Variants in PTPRT observed in about 807,000 individuals in gnomAD.
PTPRT encodes the protein protein tyrosine phosphatase receptor type T, also known as receptor-type tyrosine-protein phosphatase T.
A neutral mutation model predicts 176.8 loss-of-function variants in PTPRT; 56 were observed. The observed-to-expected ratio is 0.32, with a 90% CI of 0.26 to 0.40. The LOEUF (loss-of-function observed/expected upper bound fraction) is 0.40. Ranked by LOEUF, PTPRT falls within the 10% of genes least tolerant of loss-of-function variation. The pLI is 1.00. For synonymous variants in PTPRT, 783 were observed against 739.0 expected (o/e 1.06, Z -0.96); for missense variants, 1,540 against 1,908.2 (o/e 0.81, Z 3.60).
intron 7 of PTPRT, among the ~76,000 whole-genome samples, chr20:42,527,282 C>T (rs1380511172): frequency 6.6e-6 from 1 of 152,078 alleles, no homozygotes; most frequent in African/African-American, 2.4e-5. Flanking sequence ...GTTCTTTATT[C>T]AGTGTTTCCT....
chr20:42,100,854 C>T (rs1174279790), intron 26 of PTPRT, among the ~76,000 whole-genome samples: 1 of 152,202 alleles, frequency 6.6e-6, no homozygotes. Context: ...CTCCCTGATT[C>T]TGAACCCAGA....
At chr20:42,285,780 C>T (rs964259955) in intron 12 of PTPRT, among the ~76,000 whole-genome samples, 20 of 137,434 alleles carry the variant, frequency 1.5e-4, no homozygotes, top group Admixed American at 5.2e-4. Flanking sequence ...CTTATGTATA[C>T]GAAAAACCAA....
chr20:43,118,289 T>A (rs1162925469), intron 1 of PTPRT, among the ~76,000 whole-genome samples: 1 of 152,190 alleles, frequency 6.6e-6, no homozygotes, highest in African/African-American at 2.4e-5. Flanking sequence ...TTGCCTAATG[T>A]TCTAGAACAT....
At chr20:42,773,833 A>G (rs1464093129) in intron 4 of PTPRT, among the ~76,000 whole-genome samples, 1 of 152,194 alleles carries the variant, frequency 6.6e-6, no homozygotes, top group Non-Finnish European at 1.5e-5. Context: ...CTTAGCTCCA[A>G]TGCTGGGAAA....
rs77925287 is a variant in PTPRT at position 42,711,627 on chromosome 20, A to G, written c.860-33468T>C. Reference sequence around the variant, plus strand: ...GCCAAATAAACCTCTTTTCTTTATAAATTTTTCATTCTCAGGTATTTCTTT... The same window carrying G: ...GCCAAATAAACCTCTTTTCTTTATAGATTTTTCATTCTCAGGTATTTCTTT... On this transcript the variant is annotated intron_variant, in intron 6 of 30. Coordinates refer to ENST00000373187, the MANE Select transcript of PTPRT (RefSeq NM_007050.6). 7.8e-4 allele frequency among the ~76,000 whole-genome samples: 119 copies of G among 152,200 alleles called. No individual in the cohort carries two copies. In the South Asian group the frequency reaches 0.01, roughly 13 times the overall value.
At chr20:42,399,001 A>G (rs536446467) in intron 9 of PTPRT, among the ~76,000 whole-genome samples, 13 of 152,326 alleles carry the variant, frequency 8.5e-5, no homozygotes, top group African/African-American at 3.1e-4. Context: ...ATTTTCCAGG[A>G]GACCAGACTG....
At chr20:42,499,837 T>C (rs1319657648) in intron 7 of PTPRT, among the ~76,000 whole-genome samples, 3 of 152,112 alleles carry the variant, frequency 2.0e-5, no homozygotes, top group African/African-American at 7.2e-5. Flanking sequence ...CAAGGGTGAG[T>C]TGTAATTGGT....
At chr20:43,164,611 A>G (rs7261799) in intron 1 of PTPRT, among the ~76,000 whole-genome samples, 1,753 of 152,344 alleles carry the variant, frequency 0.012, 45 homozygotes, top group African/African-American at 0.039. Flanking sequence ...TAACTAACAC[A>G]GTGCCCACAA....
chr20:42,507,560 T>C (rs2071869065), intron 7 of PTPRT, among the ~76,000 whole-genome samples: 3 of 152,078 alleles, frequency 2.0e-5, no homozygotes, highest in African/African-American at 7.2e-5. Flanking sequence ...AACAGGACAG[T>C]GATAAGGATA....
chr20:42,959,221 T>C (rs1470764588), intron 1 of PTPRT, among the ~76,000 whole-genome samples: 3 of 152,172 alleles, frequency 2.0e-5, no homozygotes, highest in Admixed American at 2.0e-4. Flanking sequence ...AGGGTTCTTA[T>C]GACGATTACA....
chr20:42,118,490 C>A lies in PTPRT; in HGVS notation c.2895G>T (p.Gln965His). ...TTCTCCAAAAGTCCTTTACAGTCTC[C>A]TGCATCGGACCTGCCAACAGAGAAG... is the stretch of plus-strand genomic sequence containing the variant. ...RHYIATQGPM[Q>H]ETVKDFWRMI... The change falls in exon 21 of 31, where the codon CAG becomes CAT. Residue 965 changes from glutamine (Q) to histidine (H), a missense_variant. Physicochemically the swap from Gln to His is conservative, Grantham distance 24. Transcript: ENST00000373187. The A allele has an allele frequency of 6.2e-7, 1 of 1,609,076 alleles. No homozygotes were observed. Among genetic ancestry groups the A allele is most frequent in the Non-Finnish European group, 8.5e-7 (1 of 1,177,404 alleles).
In PTPRT at chr20:42,288,987, A is replaced by G. The variant is rs531458420; in HGVS notation, c.2140-6462T>C. Among the ~76,000 whole-genome samples the G allele has an allele frequency of 5.9e-5, 9 of 152,114 alleles. No homozygotes were observed. The South Asian group carries it at 1.0e-3, about 18-fold the overall frequency. ...AAGTAAAGCCACACACCTACAACCA[A>G]CTGATCTTCAACAAAGATGAAAAAA... On this transcript the variant is annotated intron_variant, in intron 12 of 30. Transcript: ENST00000373187.
chr20:42,887,227 G>C (rs929766861), intron 1 of PTPRT, among the ~76,000 whole-genome samples: 4 of 152,178 alleles, frequency 2.6e-5, no homozygotes, highest in African/African-American at 9.7e-5. Context: ...CCTTTGGGAG[G>C]TGATTAGGAC....
chr20:42,212,576 G>C (rs1487690936), intron 15 of PTPRT, among the ~76,000 whole-genome samples: 1 of 152,126 alleles, frequency 6.6e-6, no homozygotes, highest in Admixed American at 6.5e-5. Flanking sequence ...ATCAAAATCT[G>C]GCTCCATGTC....
intron 7 of PTPRT, among the ~76,000 whole-genome samples, chr20:42,664,765 C>A (rs2075283907): frequency 6.6e-6 from 1 of 152,098 alleles, no homozygotes; most frequent in South Asian, 2.1e-4. Context: ...ACCAGTGGAA[C>A]AGAACAGAGC....
At chr20:43,020,973 G>A (rs1231547596) in intron 1 of PTPRT, among the ~76,000 whole-genome samples, 1 of 152,060 alleles carries the variant, frequency 6.6e-6, no homozygotes, top group East Asian at 1.9e-4. Context: ...TTCAACCCAA[G>A]CCCTGAAGAT....
At chr20:43,122,468 C>T (rs1406069352) in intron 1 of PTPRT, among the ~76,000 whole-genome samples, 4 of 152,148 alleles carry the variant, frequency 2.6e-5, no homozygotes, top group Non-Finnish European at 5.9e-5. Flanking sequence ...GGTGTTTGTC[C>T]CTTCCAAATC....
intron 7 of PTPRT, among the ~76,000 whole-genome samples, chr20:42,557,919 T>A (rs2072888036): frequency 6.6e-6 from 1 of 152,186 alleles, no homozygotes; most frequent in Non-Finnish European, 1.5e-5. Flanking sequence ...ATAGAAATAT[T>A]CTTTCAGTTA....
chr20:42,720,653 A>C (rs1431575798), intron 6 of PTPRT, among the ~76,000 whole-genome samples: 1 of 152,228 alleles, frequency 6.6e-6, no homozygotes, highest in East Asian at 1.9e-4. Context: ...TCCTTCTTGA[A>C]TAAGTACAAT....
Sources: allele counts gnomAD v4.1 joint callset (sites outside exome capture counted in the v4.1 genomes callset), GRCh38; gene constraint gnomAD v4.1.1; transcripts MANE v1.5; gene names NCBI Gene and HGNC (gene_info 2026-07-23, HGNC 2026-07-21).